The following DCHS1 variants were observed in gnomAD, a reference collection of about 807,000 sequenced individuals.
The protein encoded by DCHS1 is dachsous cadherin-related 1.
Under a neutral mutation model 213.9 loss-of-function variants are expected in DCHS1, and 78 were observed. That is an observed-to-expected ratio of 0.36 (90% confidence interval 0.30 to 0.44). DCHS1 has a LOEUF of 0.44. DCHS1 is among the 20% of genes least tolerant of loss of function. The pLI is 1.00. For synonymous variants in DCHS1, 1,828 were observed against 1,873.7 expected (o/e 0.98, Z 0.63); for missense variants, 3,946 against 4,395.9 (o/e 0.90, Z 2.89).
intron 1 of DCHS1, among the ~76,000 whole-genome samples, chr11:6,646,486 C>T (rs1266549708): frequency 1.3e-5 from 2 of 152,190 alleles, no homozygotes; most frequent in South Asian, 2.1e-4. Context: ...GGCTCCTCCT[C>T]CCTGCTCTTG....
At position 6,625,312 on chromosome 11, in the gene DCHS1, G is replaced by A; in HGVS notation, c.7032C>T (p.Arg2344=). Residue 2344 remains arginine, a synonymous_variant, in exon 19 of 21, where the codon CGC becomes CGT. Coordinates refer to ENST00000299441, the MANE Select transcript of DCHS1 (RefSeq NM_003737.4). The surrounding 1 kb of genome is among the most constrained non-coding windows in gnomAD (Gnocchi z 5.3). ...CATGTGCCAGCAGCTGCAGCTGGTA[G>A]CGGTCACACTGCTCAAAGTCCAGGG... The part of the protein sequence containing the change: ...TGPLDFEQCD[R]YQLQLLAHDG... 6.2e-7 allele frequency: 1 copy of A among 1,613,854 alleles called. No homozygotes were observed. The highest frequency in any genetic ancestry group is 8.5e-7 in the Non-Finnish European group (1 of 1,179,884).
At chr11:6,646,375 C>T (rs1025417951) in intron 1 of DCHS1, among the ~76,000 whole-genome samples, 4 of 152,186 alleles carry the variant, frequency 2.6e-5, no homozygotes, top group Admixed American at 1.3e-4. Flanking sequence ...CAAACTCGAA[C>T]TCCAGACTCT....
chr11:6,626,279 C>T lies in DCHS1; in HGVS notation c.6466G>A (p.Val2156Met), dbSNP rs776093492. 4 of 1,613,190 alleles carry T rather than the reference C, an allele frequency of 2.5e-6. No homozygotes were observed. Among genetic ancestry groups the T allele is most frequent in the Non-Finnish European group, 2.5e-6 (3 of 1,179,534 alleles). ...AESGGAFAFT[V>M]LTLTLQDAND... Reference sequence around the variant, plus strand: ...GCATCTTGCAGGGTCAGGGTCAGCACAGTGAAGGCAAAGGCTCCTCCACTC... The same window carrying T: ...GCATCTTGCAGGGTCAGGGTCAGCATAGTGAAGGCAAAGGCTCCTCCACTC... Residue 2156 changes from valine (V) to methionine (M), a missense_variant, in exon 16 of 21, where the codon GTG becomes ATG. Transcript: ENST00000299441. The surrounding 1 kb of genome is among the most constrained non-coding windows in gnomAD (Gnocchi z 5.2).
intron 1 of DCHS1, among the ~76,000 whole-genome samples, chr11:6,645,904 G>A (rs1375776979): frequency 6.6e-6 from 1 of 152,050 alleles, no homozygotes; most frequent in Non-Finnish European, 1.5e-5. Context: ...ACACACGTGC[G>A]CAGAGGCTTG....
Position 6,623,479 on chromosome 11 carries a change from C to T in DCHS1, c.8197G>A (p.Gly2733Arg), listed in dbSNP as rs769785326. Reference sequence around the variant, plus strand: ...AGCCTCCCAAAAGCCCCAGCATCCCCGTCGATTGCATGCAGAGTGGTCACG... The same window carrying T: ...AGCCTCCCAAAAGCCCCAGCATCCCTGTCGATTGCATGCAGAGTGGTCACG... Reference protein sequence around the residue: ...TLVTTLHAIDGDAGAFGRLRY... With the variant: ...TLVTTLHAIDRDAGAFGRLRY... Residue 2733 changes from glycine to arginine, a missense_variant, in exon 21 of 21, where the codon GGG becomes AGG. Physicochemically the swap from Gly to Arg is moderately radical, Grantham distance 125. Around this residue, in one of 3 missense-constraint regions of DCHS1, gnomAD observed 3,384 missense variants for 3,780.1 expected, o/e 0.90. Coordinates refer to ENST00000299441, the MANE Select transcript of DCHS1 (RefSeq NM_003737.4). 3.0e-5 allele frequency: 47 copies of T among 1,585,488 alleles called. No homozygotes were observed. In the East Asian group the frequency reaches 3.5e-4, roughly 12 times the overall value.
Position 6,626,944 on chromosome 11 carries a change from C to T in DCHS1, c.6095G>A (p.Arg2032Gln), listed in dbSNP as rs762866278. Residue 2032 changes from arginine to glutamine, a missense_variant, in exon 14 of 21, where the codon CGA becomes CAA. Arg to Gln is a conservative substitution (Grantham distance 43, BLOSUM62 1). Transcript: ENST00000299441. The surrounding 1 kb of genome is among the most constrained non-coding windows in gnomAD (Gnocchi z 5.2). ...GGCCACAATGAAGAGGACACGATCTCGGGGGCCTAGAGCTACAGGAGAGCG... is the reference window on the plus strand; with the variant it reads ...GGCCACAATGAAGAGGACACGATCTTGGGGGCCTAGAGCTACAGGAGAGCG... ...VARSPVALGP[R>Q]DRVLFIVATD... 1.2e-5 allele frequency: 20 copies of T among 1,613,526 alleles called. No individual in the cohort carries two copies. The highest frequency in any genetic ancestry group is 4.5e-5 in the East Asian group (2 of 44,892).
Position 6,623,929 on chromosome 11 carries a change from T to A in DCHS1, c.7747A>T (p.Ser2583Cys). 2 of 1,607,350 alleles carry A rather than the reference T, an allele frequency of 1.2e-6. No individual in the cohort carries two copies. The highest frequency in any genetic ancestry group is 1.7e-6 in the Non-Finnish European group (2 of 1,175,010). The change falls in exon 21 of 21, where the codon AGC becomes TGC. Residue 2583 changes from serine (S) to cysteine (C), a missense_variant. Physicochemically the swap from Ser to Cys is moderately radical, Grantham distance 112 (BLOSUM62 -1). Around this residue, in one of 3 missense-constraint regions of DCHS1, gnomAD observed 3,384 missense variants for 3,780.1 expected, o/e 0.90. Transcript: ENST00000299441. ...GTGACAGTGACTGGCACGACTGAGC[T>A]TTGGGGTGGCTGCCCACGGTCAGCT... ...AAADRGQPPQ[S>C]SVVPVTVTVL...
At position 6,646,137 on chromosome 11, in the gene DCHS1, C is replaced by T. The variant is rs180750124; in HGVS notation, c.-120-4404G>A. Among the ~76,000 whole-genome samples, 14 of 151,988 alleles carry T rather than the reference C, an allele frequency of 9.2e-5. No homozygotes were observed. The East Asian group carries it at 2.7e-3, about 29-fold the overall frequency. On this transcript the variant is annotated intron_variant, in intron 1 of 20. Transcript: ENST00000299441. ...CCCCACATACACACACACACCCACC[C>T]TCCACACACACCCACCCTCCACACA...
rs1855799186 is a variant in DCHS1, at chr11:6,626,181, C to T, written c.6564G>A (p.Gly2188=). Residue 2188 remains glycine (G), a synonymous_variant, in exon 16 of 21, where the codon GGG becomes GGA. Coordinates refer to ENST00000299441, the MANE Select transcript of DCHS1 (RefSeq NM_003737.4). This position sits in a 1 kb window ranked among gnomAD's most constrained non-coding sequence, Gnocchi z 5.2. ...AFLPESRPLE[G]PLLQVEADDL... is the part of the protein sequence containing the mutation. ...TCACACCCCGCACCTGCAGCAGGGG[C>T]CCCTCCAAGGGCCGGGACTCAGGAA... The T allele has an allele frequency of 6.2e-7, 1 of 1,607,102 alleles. No individual in the cohort carries two copies. Among genetic ancestry groups the T allele is most frequent in the South Asian group, 1.1e-5 (1 of 89,916 alleles).
rs1319361193 is a variant in DCHS1, at chr11:6,625,113, C to T, written c.7146+85G>A. 2.6e-6 allele frequency: 4 copies of T among 1,511,380 alleles called. No homozygotes were observed. The highest frequency in any genetic ancestry group is 2.2e-5 in the Admixed American group (1 of 46,010). The allele number at this position is 1,511,380 out of a possible 1,614,324, so 93.6% of individuals were successfully genotyped here. A position where few individuals can be genotyped will look rare whatever the true frequency, so the allele number is the denominator to read the frequency against. On this transcript the variant is annotated intron_variant, in intron 19 of 20. Transcript: ENST00000299441. The surrounding 1 kb of genome is among the most constrained non-coding windows in gnomAD (Gnocchi z 5.3). The stretch of plus-strand genomic sequence containing the variant: ...CCCAGATCAGCTCCAACGTCCAGCC[C>T]ACCTCAGCAGCTGCTAGCTCTGATA...
In DCHS1 at chr11:6,626,141, C is replaced by A; in HGVS notation, c.6576+28G>T. The A allele has an allele frequency of 6.3e-7, 1 of 1,595,330 alleles. No homozygotes were observed. The highest frequency in any genetic ancestry group is 8.5e-7 in the Non-Finnish European group (1 of 1,171,102). On this transcript the variant is annotated intron_variant, in intron 16 of 20. Transcript: ENST00000299441. This position sits in a 1 kb window ranked among gnomAD's most constrained non-coding sequence, Gnocchi z 5.2. ...ACAAGTCTGACTAGCCCTGCTCCCC[C>A]GCCCAATCTTTCCATCACACCCCGC...
Position 6,625,504 on chromosome 11 carries a change from G to T in DCHS1, c.6863-23C>A. On this transcript the variant is annotated intron_variant, in intron 18 of 20. Transcript: ENST00000299441. The surrounding 1 kb of genome is among the most constrained non-coding windows in gnomAD (Gnocchi z 5.3). ...CATCTGGAATACATGAGACTAGTGT[G>T]TTTGGCAATGGACACAGCCCCACCT... 1.2e-6 allele frequency: 2 copies of T among 1,607,342 alleles called. No individual in the cohort carries two copies. The highest frequency in any genetic ancestry group is 1.7e-6 in the Non-Finnish European group (2 of 1,178,020).
At chr11:6,654,967 T>A (rs1471419954) in intron 1 of DCHS1, among the ~76,000 whole-genome samples, 1 of 147,526 alleles carries the variant, frequency 6.8e-6, no homozygotes, top group African/African-American at 2.6e-5. Flanking sequence ...TGCTCCAATC[T>A]CCCACTCAGA....
At position 6,630,154 on chromosome 11, in the gene DCHS1, G is replaced by C. The variant is rs768297983; in HGVS notation, c.4640C>G (p.Ala1547Gly). The stretch of plus-strand genomic sequence containing the variant: ...TGGGAGGCGCACGCGTGACGGCGAG[G>C]CGAAGACAGGCGCGTTGTCATTCTC... ...TDENDNAPVF[A>G]SPSRVRLPED... The change falls in exon 10 of 21, where the codon GCC (alanine) becomes GGC (glycine). Residue 1547 changes from alanine (A) to glycine (G), a missense_variant. By Grantham distance (60) the Ala-to-Gly change is moderately conservative. This residue lies in a region of DCHS1 where 3,384 missense variants were observed against 3,780.1 expected (regional missense o/e 0.90). Coordinates refer to ENST00000299441, the MANE Select transcript of DCHS1 (RefSeq NM_003737.4). The C allele has an allele frequency of 5.0e-6, 8 of 1,602,190 alleles. No individual in the cohort carries two copies. The Admixed American group carries it at 1.4e-4, about 27-fold the overall frequency.
Position 6,627,553 on chromosome 11 carries a change from T to C in DCHS1, c.5486A>G (p.Asp1829Gly), listed in dbSNP as rs770436032. ...GGCACTGAGAGCTGGCTGGCCTCCA[T>C]CCCGGGCCTCTATCCTCAGCTGGAA... Reference protein sequence around the residue: ...PAFQLRIEARDGGQPALSATL... With the variant: ...PAFQLRIEARGGGQPALSATL... The change falls in exon 14 of 21, where the codon GAT (aspartate) becomes GGT (glycine). Residue 1829 changes from aspartate to glycine, a missense_variant. This residue lies in a region of DCHS1 where 3,384 missense variants were observed against 3,780.1 expected (regional missense o/e 0.90). Transcript: ENST00000299441. This position sits in a 1 kb window ranked among gnomAD's most constrained non-coding sequence, Gnocchi z 5.4. 1 of 1,612,744 alleles carries C rather than the reference T, an allele frequency of 6.2e-7. No individual in the cohort carries two copies. Among genetic ancestry groups the C allele is most frequent in the Non-Finnish European group, 8.5e-7 (1 of 1,179,610 alleles).
At position 6,622,133 on chromosome 11, in the gene DCHS1, T is replaced by G. The variant is rs1474871682; in HGVS notation, c.9543A>C (p.Thr3181=). ...PQFQPLASVF[T]EIARLKDEAR... ...CTTCATCCTTGAGCCGAGCGATCTC[T>G]GTGAAGACACTGGCCAGTGGTTGGA... The change falls in exon 21 of 21, where the codon ACA becomes ACC. Residue 3181 remains threonine, a synonymous_variant. Coordinates refer to ENST00000299441, the MANE Select transcript of DCHS1 (RefSeq NM_003737.4). The surrounding 1 kb of genome is among the most constrained non-coding windows in gnomAD (Gnocchi z 5.4). 1 of 1,612,812 alleles carries G rather than the reference T, an allele frequency of 6.2e-7. No individual in the cohort carries two copies. Among genetic ancestry groups the G allele is most frequent in the Non-Finnish European group, 8.5e-7 (1 of 1,179,780 alleles).
chr11:6,622,374 C>T lies in DCHS1; in HGVS notation c.9302G>A (p.Gly3101Asp). ...KGRKAGLLLPGAGATLYREEG... is the reference protein window; with the variant it reads ...KGRKAGLLLPDAGATLYREEG... ...CTCTCTGTAGAGAGTGGCTCCTGCA[C>T]CTGGCAGCAGCAGCCCTGCCTTTCG... is the stretch of plus-strand genomic sequence containing the variant. The change falls in exon 21 of 21, where the codon GGT (glycine) becomes GAT (aspartate). Residue 3101 changes from glycine to aspartate, a missense_variant. Transcript: ENST00000299441. This position sits in a 1 kb window ranked among gnomAD's most constrained non-coding sequence, Gnocchi z 5.4. 2 of 1,568,992 alleles carry T rather than the reference C, an allele frequency of 1.3e-6. No individual in the cohort carries two copies. Among genetic ancestry groups the T allele is most frequent in the Middle Eastern group, 1.7e-4 (1 of 5,942 alleles).
chr11:6,627,670 G>T lies in DCHS1; in HGVS notation c.5372-3C>A. The T allele has an allele frequency of 6.2e-7, 1 of 1,610,244 alleles. No individual in the cohort carries two copies. The highest frequency in any genetic ancestry group is 8.5e-7 in the Non-Finnish European group (1 of 1,177,812). ...AAAGGCTCCTGATGGGTCCCCATCT[G>T]CAGAGAAGGGCATGCACATATAAAT... is the stretch of plus-strand genomic sequence containing the variant. On this transcript the variant is annotated splice_polypyrimidine_tract_variant and splice_region_variant and intron_variant, in intron 13 of 20. Transcript: ENST00000299441. The surrounding 1 kb of genome is among the most constrained non-coding windows in gnomAD (Gnocchi z 5.4).
rs996667091 is a variant in DCHS1, at chr11:6,630,553, C to A, written c.4241G>T (p.Gly1414Val). ...CACTCGCAGCAGCCGCGCGCCCGCGCCTCCCGGCCCCTCAGCGCGTACCGT... is the reference window on the plus strand; with the variant it reads ...CACTCGCAGCAGCCGCGCGCCCGCGACTCCCGGCCCCTCAGCGCGTACCGT... ...ALTVRAEGPG[G>V]AGARLLRVQV... is the part of the protein sequence containing the mutation. Residue 1414 changes from glycine to valine, a missense_variant, in exon 10 of 21, where the codon GGC becomes GTC. Physicochemically the swap from Gly to Val is moderately radical, Grantham distance 109. Transcript: ENST00000299441. 2.9e-5 allele frequency: 45 copies of A among 1,534,246 alleles called. No homozygotes were observed. In the African/African-American group the frequency reaches 2.9e-4, roughly 10 times the overall value.
Sources: gnomAD v4.1 joint callset for allele counts (sites outside exome capture counted in the v4.1 genomes callset) on GRCh38, gnomAD v4.1.1 for gene constraint, gnomAD v4.1.1 regional missense constraint, Gnocchi (gnomAD v3.1) non-coding constraint, MANE v1.5 for transcripts, NCBI Gene and HGNC (gene_info 2026-07-23, HGNC 2026-07-21) for gene names.